The following MYO18A variants were observed in gnomAD, a reference collection of about 807,000 sequenced individuals.
The protein encoded by MYO18A is unconventional myosin-XVIIIa.
Under a neutral mutation model 235.8 loss-of-function variants are expected in MYO18A, and 78 were observed. The ratio of observed to expected loss-of-function variants is 0.33; its 90% CI spans 0.28 to 0.40. MYO18A has a LOEUF of 0.40. MYO18A is among the 10% of genes least tolerant of loss of function. The pLI, the probability that MYO18A is intolerant of heterozygous loss-of-function variation, is 1.00. For missense variants in MYO18A, 2,215 were observed against 2,699.3 expected, an observed-to-expected ratio of 0.82 and a Z score of 3.98; for synonymous variants, 977 against 1,077.8, an observed-to-expected ratio of 0.91 and a Z score of 1.83.
chr17:29,086,923 CAG>C lies in MYO18A; in HGVS notation c.5712+11_5712+12del, dbSNP rs768065889. ...GCTGCCATGTGGGCCCCGTGGGGGA[CAG>C]GGGGCATTACCAGTTCGTGCTTCTT... On this transcript the variant is annotated intron_variant, in intron 38 of 41. Coordinates refer to ENST00000527372, the MANE Select transcript of MYO18A (RefSeq NM_078471.4). 91 of 1,608,096 alleles carry C rather than the reference CAG, an allele frequency of 5.7e-5. No individual in the cohort carries two copies. The highest frequency in any genetic ancestry group is 7.5e-5 in the Non-Finnish European group (88 of 1,176,894).
At chr17:29,136,446 T>C (rs9896721) in intron 2 of MYO18A, among the ~76,000 whole-genome samples, 15,985 of 151,818 alleles carry the variant, frequency 0.11, 935 homozygotes, top group South Asian at 0.18. Context: ...TGTTTAGATC[T>C]AAGGCCTCTC....
rs547008830 is a variant in MYO18A, at chr17:29,086,314, G to A, written c.5852+124C>T. 9.2e-6 allele frequency: 10 copies of A among 1,091,454 alleles called. No homozygotes were observed. In the African/African-American group the frequency reaches 1.6e-4, roughly 17 times the overall value. The allele number at this position is 1,091,454 out of a possible 1,614,324, so 67.6% of individuals were successfully genotyped here. ...TGCTGGGATCTGGCAGTAAAGGGAG[G>A]GTGGGTTGGCGGCTTGCTCATGGGG... On this transcript the variant is annotated intron_variant, in intron 39 of 41. Transcript: ENST00000527372.
At chr17:29,124,856 C>G (rs1322935741) in intron 2 of MYO18A, among the ~76,000 whole-genome samples, 3 of 152,064 alleles carry the variant, frequency 2.0e-5, no homozygotes, top group Non-Finnish European at 4.4e-5. Context: ...GGGACCTGGC[C>G]TGAGCAGGTG....
At position 29,109,811 on chromosome 17, in the gene MYO18A, C is replaced by T. The variant is rs1322810100; in HGVS notation, c.3331+47G>A. 2 of 1,537,748 alleles carry T rather than the reference C, an allele frequency of 1.3e-6. No individual in the cohort carries two copies. The highest frequency in any genetic ancestry group is 1.4e-5 in the African/African-American group (1 of 72,794). On this transcript the variant is annotated intron_variant, in intron 19 of 41. Coordinates refer to ENST00000527372, the MANE Select transcript of MYO18A (RefSeq NM_078471.4). This position sits in a 1 kb window ranked among gnomAD's most constrained non-coding sequence, Gnocchi z 4.1. The stretch of plus-strand genomic sequence containing the variant: ...GGTGGGAGGTGGGGCCGGGCAGGGC[C>T]AGCTCTGGAAAAGAGAGCCCAGAGT...
At chr17:29,128,704 C>G (rs763988906) in intron 2 of MYO18A, among the ~76,000 whole-genome samples, 96 of 152,178 alleles carry the variant, frequency 6.3e-4, no homozygotes, top group Admixed American at 4.8e-3. Flanking sequence ...AGGAAGCCCA[C>G]TTTCCATCTT....
chr17:29,079,597 G>T, intron 41 of MYO18A: 3 of 577,070 alleles, frequency 5.2e-6, no homozygotes, highest in Non-Finnish European at 4.4e-6. Context: ...CAGCCAGGAG[G>T]CTCTCCGAGG....
In MYO18A at chr17:29,074,732, G is replaced by A. The variant is rs974138598; in HGVS notation, c.*38C>T. On this transcript the variant is annotated 3_prime_UTR_variant, in exon 42 of 42. Transcript: ENST00000527372. This position sits in a 1 kb window ranked among gnomAD's most constrained non-coding sequence, Gnocchi z 4.4. ...TGGGAGAGGTGCCCAGGCAGCCACA[G>A]GCCCTGGGGTGAGAGGGCTGCCAAC... 3.1e-6 allele frequency: 5 copies of A among 1,608,446 alleles called. No homozygotes were observed. In the African/African-American group the frequency reaches 6.7e-5, roughly 21 times the overall value.
At chr17:29,080,084 C>T (rs940121779) in intron 41 of MYO18A, 11 of 985,836 alleles carry the variant, frequency 1.1e-5, no homozygotes, top group South Asian at 4.7e-5. Context: ...CTCTTCCGGC[C>T]GCTGCGGGAC....
chr17:29,123,647 C>T (rs1255834651), intron 2 of MYO18A, among the ~76,000 whole-genome samples: 2 of 152,190 alleles, frequency 1.3e-5, no homozygotes, highest in East Asian at 3.8e-4. Context: ...GTTTCATGGA[C>T]CCATGAAATA....
At chr17:29,079,748 G>A (rs1300870807) in intron 41 of MYO18A, 3 of 985,896 alleles carry the variant, frequency 3.0e-6, no homozygotes, top group African/African-American at 1.7e-5. Context: ...CTCTCGGGCC[G>A]GTACAGGTAC....
Position 29,117,706 on chromosome 17 carries a change from G to A in MYO18A, c.2038+339C>T, listed in dbSNP as rs1268836198. Reference sequence around the variant, plus strand: ...GTCAGTTACCCGCTTGCTCCTCGGGGGCCTCTGTCAGGAAGGGAACAAGAA... The same window carrying A: ...GTCAGTTACCCGCTTGCTCCTCGGGAGCCTCTGTCAGGAAGGGAACAAGAA... On this transcript the variant is annotated intron_variant, in intron 10 of 41. Transcript: ENST00000527372. This position sits in a 1 kb window ranked among gnomAD's most constrained non-coding sequence, Gnocchi z 4.6. 1.3e-5 allele frequency among the ~76,000 whole-genome samples: 2 copies of A among 152,146 alleles called. No homozygotes were observed. Among genetic ancestry groups the A allele is most frequent in the East Asian group, 1.9e-4 (1 of 5,196 alleles).
Position 29,140,388 on chromosome 17 carries a change from ATGC to A in MYO18A, c.1000-18138_1000-18136del. On this transcript the variant is annotated intron_variant, in intron 2 of 41. Transcript: ENST00000527372. The surrounding 1 kb of genome is among the most constrained non-coding windows in gnomAD (Gnocchi z 4.2). ...CCCAGAGCAAGGAGACTCCGCTCTG[ATGC>A]TGCTCTGGCTCCGTTAGCAGCTCAA... is the stretch of plus-strand genomic sequence containing the variant. The A allele has an allele frequency of 1.6e-6, 2 of 1,284,420 alleles. No homozygotes were observed. The highest frequency in any genetic ancestry group is 2.0e-6 in the Non-Finnish European group (2 of 986,578). The allele number at this position is 1,284,420 out of a possible 1,614,324, so 79.6% of individuals were successfully genotyped here.
Position 29,073,814 on chromosome 17 carries a change from C to T in MYO18A, c.*956G>A, listed in dbSNP as rs1033689084. On this transcript the variant is annotated 3_prime_UTR_variant, in exon 42 of 42. Coordinates refer to ENST00000527372, the MANE Select transcript of MYO18A (RefSeq NM_078471.4). ...AGGACTCATGTCTAATGAGCACCGG[C>T]CAAAACTTCCATCTTCAGTTTTTCT... is the stretch of plus-strand genomic sequence containing the variant. 2 of 1,551,774 alleles carry T rather than the reference C, an allele frequency of 1.3e-6. No individual in the cohort carries two copies. The highest frequency in any genetic ancestry group is 1.8e-6 in the Non-Finnish European group (2 of 1,141,400).
rs1342334422 is a variant in MYO18A at position 29,072,721 on chromosome 17, C to T, written c.*2049G>A. Reference sequence around the variant, plus strand: ...GGCTGACATTATCAGAGCCTCGGCACTTGGGCTGTTTGCTATTTTTTCCCA... The same window carrying T: ...GGCTGACATTATCAGAGCCTCGGCATTTGGGCTGTTTGCTATTTTTTCCCA... On this transcript the variant is annotated 3_prime_UTR_variant, in exon 42 of 42. Coordinates refer to ENST00000527372, the MANE Select transcript of MYO18A (RefSeq NM_078471.4). 6.6e-6 allele frequency: 1 copy of T among 152,196 alleles called. No individual in the cohort carries two copies. Among genetic ancestry groups the T allele is most frequent in the African/African-American group, 2.4e-5 (1 of 41,434 alleles). 9.4% of individuals were successfully genotyped at this position (152,196 alleles called of 1,614,324 possible).
chr17:29,161,062 T>C (rs1415890404), intron 2 of MYO18A, among the ~76,000 whole-genome samples: 1 of 151,402 alleles, frequency 6.6e-6, no homozygotes, highest in East Asian at 1.9e-4. Context: ...TAATAAAATA[T>C]ACAAAAATTA....
Position 29,087,045 on chromosome 17 carries a change from C to T in MYO18A, c.5603G>A (p.Arg1868Gln), listed in dbSNP as rs184803151. The T allele has an allele frequency of 1.7e-5, 28 of 1,614,020 alleles. No individual in the cohort carries two copies. The highest frequency in any genetic ancestry group is 3.3e-4 in the Middle Eastern group (2 of 6,062). Residue 1868 changes from arginine (R) to glutamine (Q), a missense_variant, in exon 38 of 42, where the codon CGG becomes CAG. Transcript: ENST00000527372. ...TAGCCGCTTGTTCTGTTCCTTCTCC[C>T]GGTTCTCGGCTGCAATGCGCTGATC... ...ERDQRIAAEN[R>Q]EKEQNKRLQR...
At position 29,094,961 on chromosome 17, in the gene MYO18A, G is replaced by A. The variant is rs2152768786; in HGVS notation, c.4484C>T (p.Ala1495Val). The A allele has an allele frequency of 6.2e-7, 1 of 1,608,922 alleles. No individual in the cohort carries two copies. The highest frequency in any genetic ancestry group is 1.7e-4 in the Middle Eastern group (1 of 6,052). ...CTCTAGTTGCTGCTTCAGGCTGAAAGCCTCAGCGAGGAGCATGTCCTTCTC... is the reference window on the plus strand; with the variant it reads ...CTCTAGTTGCTGCTTCAGGCTGAAAACCTCAGCGAGGAGCATGTCCTTCTC... ...QREKDMLLAE[A>V]FSLKQQLEEK... Residue 1495 changes from alanine to valine, a missense_variant, in exon 29 of 42, where the codon GCT becomes GTT. Physicochemically the swap from Ala to Val is moderately conservative, Grantham distance 64. Transcript: ENST00000527372.
chr17:29,170,567 C>T (rs903853428), intron 1 of MYO18A, among the ~76,000 whole-genome samples: 3 of 152,206 alleles, frequency 2.0e-5, no homozygotes, highest in Admixed American at 1.3e-4. Flanking sequence ...TACCCTCTCC[C>T]TCCACTCCAG....
At chr17:29,096,734 TGG>T in intron 28 of MYO18A, 25 bp downstream of exon 28, 1 of 1,563,364 alleles carries the variant, frequency 6.4e-7, no homozygotes, top group Non-Finnish European at 8.7e-7. Context: ...GAAGGTTCTC[TGG>T]GCCCAGGGCA....
Sources: allele counts gnomAD v4.1 joint callset (sites outside exome capture counted in the v4.1 genomes callset), GRCh38; gene constraint gnomAD v4.1.1; non-coding constraint Gnocchi (gnomAD v3.1); transcripts MANE v1.5; gene names NCBI Gene and HGNC (gene_info 2026-07-23, HGNC 2026-07-21).